Variants in CACNA1C observed in about 807,000 individuals in gnomAD.
CACNA1C encodes voltage-dependent L-type calcium channel subunit alpha-1C.
A neutral mutation model predicts 229.0 loss-of-function variants in CACNA1C; 30 were observed. The observed-to-expected ratio is 0.13, with a 90% confidence interval of 0.10 to 0.18. The LOEUF (loss-of-function observed/expected upper bound fraction) is 0.18. Among genes scored for constraint, CACNA1C ranks in the 10% least tolerant of loss-of-function variants. CACNA1C has a pLI of 1.00. For missense variants in CACNA1C, 1,658 were observed against 2,845.0 expected, an observed-to-expected ratio of 0.58 and a Z score of 9.49; for synonymous variants, 1,114 against 1,132.5, an observed-to-expected ratio of 0.98 and a Z score of 0.33.
At chr12:2,417,367 A>G (rs946445083) in intron 3 of CACNA1C, among the ~76,000 whole-genome samples, 3 of 152,214 alleles carry the variant, frequency 2.0e-5, no homozygotes, top group Non-Finnish European at 2.9e-5. Context: ...GACACCCACA[A>G]CAGGTTCAGT....
In CACNA1C at chr12:2,461,294, G is replaced by A. The variant is rs950994457; in HGVS notation, c.757+3588G>A. ...GATCGCTCCTTGTCTTTGAACCACC[G>A]TTGCCCTTGGCCCTTGGCACACTGC... On this transcript the variant is annotated intron_variant, in intron 5 of 46. Coordinates refer to ENST00000399655, the MANE Select transcript of CACNA1C (RefSeq NM_000719.7). Among the ~76,000 whole-genome samples, 12 of 152,242 alleles carry A rather than the reference G, an allele frequency of 7.9e-5. 1 individual carries two copies. The highest frequency in any genetic ancestry group is 6.8e-3 in the Middle Eastern group (2 of 294).
intron 1 of CACNA1C, among the ~76,000 whole-genome samples, chr12:2,017,331 G>A (rs143065439): frequency 3.9e-5 from 6 of 152,286 alleles, no homozygotes; most frequent in East Asian, 1.9e-4. Context: ...TTGTGGCCTC[G>A]TTAGTAATCA....
At chr12:2,641,965 C>G (rs1201489337) in intron 30 of CACNA1C, among the ~76,000 whole-genome samples, 2 of 151,994 alleles carry the variant, frequency 1.3e-5, no homozygotes, top group African/African-American at 2.4e-5. Context: ...CCCCGGATCT[C>G]AAGGTCTAGG....
intron 1 of CACNA1C, among the ~76,000 whole-genome samples, chr12:1,981,593 C>T (rs1007798941): frequency 1.3e-5 from 2 of 152,150 alleles, no homozygotes; most frequent in Non-Finnish European, 2.9e-5. Context: ...GTCTGTCTTT[C>T]GTGCTAGGAT....
chr12:2,604,562 G>A (rs1197508100), intron 22 of CACNA1C, among the ~76,000 whole-genome samples: 1 of 152,186 alleles, frequency 6.6e-6, no homozygotes, highest in African/African-American at 2.4e-5. Flanking sequence ...GGCCTCATGA[G>A]CAGGTACCAT....
chr12:2,560,150 A>G (rs2046693786), intron 11 of CACNA1C, among the ~76,000 whole-genome samples: 1 of 152,226 alleles, frequency 6.6e-6, no homozygotes, highest in African/African-American at 2.4e-5. Flanking sequence ...ACACATGAGC[A>G]GGTATCACAC....
chr12:2,064,956 T>C (rs1387961400), intron 1 of CACNA1C, among the ~76,000 whole-genome samples: 1 of 152,180 alleles, frequency 6.6e-6, no homozygotes, highest in Non-Finnish European at 1.5e-5. Flanking sequence ...CATGGAGGTA[T>C]GTGAAGCTCA....
At chr12:2,688,347 TG>T in intron 45 of CACNA1C, 99 bp from the exon 46 acceptor site, 1 of 1,105,202 alleles carries the variant, frequency 9.0e-7, no homozygotes, top group Non-Finnish European at 1.4e-6. Context: ...TGGAGCTAGC[TG>T]GACACAGCAG....
At chr12:2,082,523 G>C (rs984788287) in intron 1 of CACNA1C, among the ~76,000 whole-genome samples, 1 of 152,164 alleles carries the variant, frequency 6.6e-6, no homozygotes, top group African/African-American at 2.4e-5. Flanking sequence ...GCTAGGAAAT[G>C]CAGGAGCGAT....
intron 45 of CACNA1C, among the ~76,000 whole-genome samples, chr12:2,686,972 T>C (rs2097537271): frequency 6.6e-6 from 1 of 152,254 alleles, no homozygotes; most frequent in Admixed American, 6.5e-5. Flanking sequence ...CATGGACCTA[T>C]GTTTTAAATA....
chr12:2,574,567 GA>G (rs2057670979), intron 13 of CACNA1C, among the ~76,000 whole-genome samples: 1 of 152,266 alleles, frequency 6.6e-6, no homozygotes, highest in East Asian at 1.9e-4. Context: ...ATTCAGCACA[GA>G]CAGATTGGCT....
chr12:2,651,809 G>T lies in CACNA1C; in HGVS notation c.4074+41G>T, dbSNP rs1317171006. The T allele has an allele frequency of 1.1e-5, 17 of 1,504,108 alleles. No individual in the cohort carries two copies. Among genetic ancestry groups the T allele is most frequent in the Non-Finnish European group, 1.5e-5 (17 of 1,104,194 alleles). The allele number at this position is 1,504,108 out of a possible 1,614,324, so 93.2% of individuals were successfully genotyped here. A position where few individuals can be genotyped will look rare whatever the true frequency, so the allele number is the denominator to read the frequency against. On this transcript the variant is annotated intron_variant, in intron 32 of 46. Transcript: ENST00000399655. The surrounding 1 kb of genome is among the most constrained non-coding windows in gnomAD (Gnocchi z 5.4). ...GTCCTGCGGCCCGGGGAATCGCAGG[G>T]CTGCCGCGTGGCCCAGAACACAGCT...
chr12:2,150,806 C>T (rs1028763533), intron 3 of CACNA1C, among the ~76,000 whole-genome samples: 11 of 152,182 alleles, frequency 7.2e-5, no homozygotes, highest in African/African-American at 2.2e-4. Flanking sequence ...CTGTCTCTAC[C>T]GCTCTTATTT....
rs140072036 is a variant in CACNA1C at position 2,114,870 on chromosome 12, G to A, written c.50-354G>A. Among the ~76,000 whole-genome samples, 11 of 152,252 alleles carry A rather than the reference G, an allele frequency of 7.2e-5. No homozygotes were observed. The East Asian group carries it at 9.6e-4, about 13-fold the overall frequency. On this transcript the variant is annotated intron_variant, in intron 1 of 46. Coordinates refer to ENST00000399655, the MANE Select transcript of CACNA1C (RefSeq NM_000719.7). ...TTCATGAATATCCTTTCATTTGCATGGGTTCTTAAAATATGTATTTTAATT... is the reference window on the plus strand; with the variant it reads ...TTCATGAATATCCTTTCATTTGCATAGGTTCTTAAAATATGTATTTTAATT...
intron 8 of CACNA1C, among the ~76,000 whole-genome samples, chr12:2,507,373 G>A (rs1279524112): frequency 1.3e-5 from 2 of 152,108 alleles, no homozygotes; most frequent in Non-Finnish European, 2.9e-5. Flanking sequence ...ACTCTGAATT[G>A]GTTGCCCCCG....
intron 1 of CACNA1C, among the ~76,000 whole-genome samples, chr12:2,041,598 C>T (rs1011722279): frequency 2.0e-4 from 30 of 152,124 alleles, no homozygotes; most frequent in African/African-American, 6.0e-4. Context: ...TCTTGATATC[C>T]GCTGGGATAA....
At chr12:2,079,135 G>T (rs189570185) in intron 1 of CACNA1C, among the ~76,000 whole-genome samples, 3,986 of 134,830 alleles carry the variant, frequency 0.03, 48 homozygotes, top group Non-Finnish European at 0.04. Flanking sequence ...GTTGTGGGGT[G>T]GGGGGAGGGG....
intron 3 of CACNA1C, among the ~76,000 whole-genome samples, chr12:2,191,253 A>T (rs1216446917): frequency 6.6e-6 from 1 of 152,098 alleles, no homozygotes; most frequent in East Asian, 1.9e-4. Context: ...AAAGGCCTGG[A>T]TGTGTCTTCA....
chr12:2,294,923 T>C (rs1415971211), intron 3 of CACNA1C, among the ~76,000 whole-genome samples: 1 of 152,022 alleles, frequency 6.6e-6, no homozygotes, highest in African/African-American at 2.4e-5. Flanking sequence ...ATCTCCGTGG[T>C]CAGTGAAGCA....
Sources: allele counts gnomAD v4.1 joint callset (sites outside exome capture counted in the v4.1 genomes callset), GRCh38; gene constraint gnomAD v4.1.1; non-coding constraint Gnocchi (gnomAD v3.1); transcripts MANE v1.5; gene names NCBI Gene and HGNC (gene_info 2026-07-23, HGNC 2026-07-21).